ECM2: variants seen among roughly 807,000 people sequenced by gnomAD.
ECM2 encodes the protein extracellular matrix protein 2, also known as extracellular matrix protein 2, female organ and adipocyte specific.
In ECM2, 57 loss-of-function variants were observed where a neutral mutation model predicts 67.5. The observed-to-expected ratio is 0.84, with a 90% confidence interval of 0.68 to 1.05. The LOEUF is 1.05. ECM2 is among the 50% of genes least tolerant of loss of function. The probability of loss-of-function intolerance (pLI) is 0.00; values close to 1 mark genes in which losing one functional copy is unlikely to be tolerated. For synonymous variants in ECM2, 258 were observed against 294.5 expected (o/e 0.88, Z 1.27); for missense variants, 741 against 822.8 (o/e 0.90, Z 1.22).
intron 1 of ECM2, among the ~76,000 whole-genome samples, chr9:92,533,312 A>ATATATAT: frequency 1.1e-5 from 1 of 88,680 alleles, no homozygotes; most frequent in African/African-American, 4.7e-5. Flanking sequence ...ACAAAAAAAA[A>ATATATAT]AAAAAAAAAA....
At chr9:92,548,849 G>GT in the ECM2 span, among the ~76,000 whole-genome samples, 1 of 152,092 alleles carries the variant, frequency 6.6e-6, no homozygotes, top group African/African-American at 2.4e-5. Flanking sequence ...AATCCTAGCA[G>GT]TTCACTTTTG....
the ECM2 span, among the ~76,000 whole-genome samples, chr9:92,543,688 A>G: frequency 6.6e-6 from 1 of 152,092 alleles, no homozygotes; most frequent in East Asian, 1.9e-4. Context: ...TGAACAAGAG[A>G]TATCTTTTCA....
downstream of ECM2, chr9:92,495,204 A>G (rs948533804): frequency 2.6e-6 from 1 of 388,306 alleles, no homozygotes; most frequent in Admixed American, 6.4e-5. Context: ...TGAGGCCAAC[A>G]CTGGCACTTA....
chr9:92,547,525 C>T, the ECM2 span, among the ~76,000 whole-genome samples: 1 of 152,188 alleles, frequency 6.6e-6, no homozygotes, highest in Non-Finnish European at 1.5e-5. Flanking sequence ...ATGGATGAAC[C>T]TCAAAAACAT....
the ECM2 span, among the ~76,000 whole-genome samples, chr9:92,550,542 A>G: frequency 2.7e-5 from 4 of 150,556 alleles, no homozygotes; most frequent in Non-Finnish European, 3.0e-5. Context: ...GTTTTCTTAG[A>G]CCTGTTTTTT....
chr9:92,517,786 C>G lies in ECM2; in HGVS notation c.382G>C (p.Asp128His), dbSNP rs1316406982. 1 of 1,614,232 alleles carries G rather than the reference C, an allele frequency of 6.2e-7. No homozygotes were observed. The highest frequency in any genetic ancestry group is 1.1e-5 in the South Asian group (1 of 91,080). The change falls in exon 3 of 10, where the codon GAT (aspartate) becomes CAT (histidine). Residue 128 changes from aspartate (D) to histidine (H), a missense_variant. Transcript: ENST00000344604. Reference sequence around the variant, plus strand: ...GTTTCATCACAAAGAACTCTTCCATCTGAGCAGAGGCAGGTAGTGCAGGGC... The same window carrying G: ...GTTTCATCACAAAGAACTCTTCCATGTGAGCAGAGGCAGGTAGTGCAGGGC... ...PEPCTTCLCS[D>H]GRVLCDETMC...
upstream of ECM2, among the ~76,000 whole-genome samples, chr9:92,540,602 C>T (rs1380243405): frequency 6.6e-6 from 1 of 151,174 alleles, no homozygotes; most frequent in East Asian, 2.0e-4. Flanking sequence ...GAAACCCCGT[C>T]TCTACTAAAA....
At position 92,514,849 on chromosome 9, in the gene ECM2, CCCTCCTCCTCCTCAT is replaced by C. The variant is rs765316422; in HGVS notation, c.821_835del (p.Asp274_Glu278del). 8 of 1,611,610 alleles carry C rather than the reference CCCTCCTCCTCCTCAT, an allele frequency of 5.0e-6. No homozygotes were observed. Among genetic ancestry groups the C allele is most frequent in the African/African-American group, 1.3e-5 (1 of 74,802 alleles). ...CTCCTCATCCTCCTCACCCTCCTCA[CCCTCCTCCTCCTCAT>C]CCTCCTCCTCCTCCCTTCCTTGGCG... is the stretch of plus-strand genomic sequence containing the variant. On this transcript the variant is annotated inframe_deletion, in exon 4 of 10. Transcript: ENST00000344604.
At chr9:92,557,042 C>G in the ECM2 span, among the ~76,000 whole-genome samples, 24 of 152,186 alleles carry the variant, frequency 1.6e-4, no homozygotes, top group African/African-American at 5.1e-4. Context: ...CGAATTCTCT[C>G]AGCATTTGTT....
the ECM2 span, among the ~76,000 whole-genome samples, chr9:92,542,670 C>T: frequency 1.3e-5 from 2 of 152,184 alleles, no homozygotes; most frequent in East Asian, 3.8e-4. Flanking sequence ...GCATGCACCA[C>T]CACACCCAGC....
chr9:92,551,728 C>T, the ECM2 span, among the ~76,000 whole-genome samples: 1 of 151,638 alleles, frequency 6.6e-6, no homozygotes, highest in African/African-American at 2.4e-5. Flanking sequence ...TATGCCCTTG[C>T]GTCCTCATAG....
At chr9:92,527,566 T>G (rs982743763) in intron 1 of ECM2, among the ~76,000 whole-genome samples, 1 of 152,210 alleles carries the variant, frequency 6.6e-6, no homozygotes, top group African/African-American at 2.4e-5. Context: ...GATATCCAGA[T>G]TCTTAGAAGT....
chr9:92,518,838 A>C (rs918115014), intron 2 of ECM2, among the ~76,000 whole-genome samples: 7 of 152,168 alleles, frequency 4.6e-5, no homozygotes, highest in African/African-American at 1.7e-4. Context: ...GCAGTGAGCC[A>C]AGATCGTTCC....
At chr9:92,524,911 T>C (rs1848300446) in intron 1 of ECM2, among the ~76,000 whole-genome samples, 1 of 152,176 alleles carries the variant, frequency 6.6e-6, no homozygotes, top group Admixed American at 6.5e-5. Context: ...TTCAAGGTGA[T>C]GTTACATACA....
rs766620835 is a variant in ECM2 at position 92,505,514 on chromosome 9, TA to T, written c.1464+18del. On this transcript the variant is annotated intron_variant, in intron 7 of 9. Transcript: ENST00000344604. ...TTCAAATATAATACATTTAAAACACTAAAAAAATATATTGTTACCTCAATAG... is the reference window on the plus strand; with the variant it reads ...TTCAAATATAATACATTTAAAACACTAAAAAATATATTGTTACCTCAATAG... 11 of 1,567,078 alleles carry T rather than the reference TA, an allele frequency of 7.0e-6. No individual in the cohort carries two copies. The South Asian group carries it at 8.4e-5, about 12-fold the overall frequency.
chr9:92,522,630 C>G lies in ECM2; in HGVS notation c.237G>C (p.Lys79Asn), dbSNP rs781366762. ...IVNFDYSMEE[K>N]FESFSSFPGV... ...CAGGAAAACTTGAAAAGGATTCAAACTTTTCCTCCATGCTATAATCAAAGT... is the reference window on the plus strand; with the variant it reads ...CAGGAAAACTTGAAAAGGATTCAAAGTTTTCCTCCATGCTATAATCAAAGT... The change falls in exon 2 of 10, where the codon AAG becomes AAC. Residue 79 changes from lysine to asparagine, a missense_variant. By Grantham distance (94) the Lys-to-Asn change is moderately conservative. Coordinates refer to ENST00000344604, the MANE Select transcript of ECM2 (RefSeq NM_001393.4). 6.2e-7 allele frequency: 1 copy of G among 1,613,890 alleles called. No individual in the cohort carries two copies. Among genetic ancestry groups the G allele is most frequent in the Non-Finnish European group, 8.5e-7 (1 of 1,179,938 alleles).
chr9:92,496,457 T>A lies in ECM2; in HGVS notation c.1958A>T (p.Asn653Ile). Residue 653 changes from asparagine (N) to isoleucine (I), a missense_variant, in exon 10 of 10, where the codon AAT (asparagine) becomes ATT (isoleucine). By Grantham distance (149) the Asn-to-Ile change is moderately radical. Coordinates refer to ENST00000344604, the MANE Select transcript of ECM2 (RefSeq NM_001393.4). ...ATTTGAGTCATCATCCTCTTCAGCA[T>A]TGCAAATTTCTTCTGGAAGAATGTT... The part of the protein sequence containing the change: ...IRNILPEEIC[N>I]AEEDDDSNLE... 6.2e-7 allele frequency: 1 copy of A among 1,608,986 alleles called. No individual in the cohort carries two copies. Among genetic ancestry groups the A allele is most frequent in the Non-Finnish European group, 8.5e-7 (1 of 1,178,882 alleles).
At chr9:92,511,890 CTT>C in intron 5 of ECM2, 119 bp downstream of exon 5, 1 of 662,288 alleles carries the variant, frequency 1.5e-6, no homozygotes, top group South Asian at 2.2e-5. Context: ...AGAGAGGAAA[CTT>C]TCTTAGAAGA....
chr9:92,539,775 A>G (rs1319828245), upstream of ECM2, among the ~76,000 whole-genome samples: 3 of 152,180 alleles, frequency 2.0e-5, no homozygotes, highest in African/African-American at 7.2e-5. Flanking sequence ...AGCTGAACTT[A>G]CTTTCCCAAT....
Sources: allele counts gnomAD v4.1 joint callset (sites outside exome capture counted in the v4.1 genomes callset), GRCh38; gene constraint gnomAD v4.1.1; transcripts MANE v1.5; gene names NCBI Gene and HGNC (gene_info 2026-07-23, HGNC 2026-07-21).